IL1R1: variants seen among roughly 807,000 people sequenced by gnomAD.
IL1R1 encodes the protein interleukin 1 receptor type 1.
A neutral mutation model predicts 50.2 loss-of-function variants in IL1R1; 22 were observed. That is an observed-to-expected ratio of 0.44 (90% confidence interval 0.31 to 0.63). The LOEUF is 0.63. IL1R1 is among the 20% of genes least tolerant of loss of function. The pLI is 0.07. For missense variants in IL1R1, 509 were observed against 676.2 expected, an observed-to-expected ratio of 0.75 and a Z score of 2.74; for synonymous variants, 251 against 236.7, an observed-to-expected ratio of 1.06 and a Z score of -0.55.
chr2:102,177,910 C>T lies in IL1R1; in HGVS notation c.*1151C>T, dbSNP rs1686276454. The T allele has an allele frequency of 6.5e-6, 1 of 152,960 alleles. No individual in the cohort carries two copies. Among genetic ancestry groups the T allele is most frequent in the Non-Finnish European group, 1.5e-5 (1 of 68,534 alleles). The allele number at this position is 152,960 out of a possible 1,614,324, so 9.5% of individuals were successfully genotyped here. A position where few individuals can be genotyped will look rare whatever the true frequency, so the allele number is the denominator to read the frequency against. On this transcript the variant is annotated 3_prime_UTR_variant, in exon 12 of 12. Transcript: ENST00000410023. Reference sequence around the variant, plus strand: ...CATCCCGCTCCTGCTGAAACACCTCCCAGGGGCTCCACCTGTTCAGGAGCT... The same window carrying T: ...CATCCCGCTCCTGCTGAAACACCTCTCAGGGGCTCCACCTGTTCAGGAGCT...
In IL1R1 at chr2:102,166,300, C is replaced by T. The variant is rs1685176951; in HGVS notation, c.655+19C>T. The T allele has an allele frequency of 6.3e-7, 1 of 1,585,554 alleles. No individual in the cohort carries two copies. The highest frequency in any genetic ancestry group is 8.6e-7 in the Non-Finnish European group (1 of 1,160,018). On this transcript the variant is annotated intron_variant, in intron 6 of 11. Transcript: ENST00000410023. ...ACTCTAGGTGAGTCATAGCTCCAGC[C>T]CTAAAAGGTTTAGATCTGGGAAGGT...
rs1165834922 is a variant in IL1R1 at position 102,165,028 on chromosome 2, G to A, written c.296+20G>A. 6.3e-7 allele frequency: 1 copy of A among 1,595,800 alleles called. No individual in the cohort carries two copies. The highest frequency in any genetic ancestry group is 1.1e-5 in the South Asian group (1 of 89,444). ...GGTAAGGTAAGAGAGGAATTAGTAT[G>A]TTACAAACATGTTCTAGTTTCCTGC... is the stretch of plus-strand genomic sequence containing the variant. On this transcript the variant is annotated intron_variant, in intron 4 of 11. Coordinates refer to ENST00000410023, the MANE Select transcript of IL1R1 (RefSeq NM_000877.4).
chr2:102,136,329 C>A (rs967304128), intron 1 of IL1R1, among the ~76,000 whole-genome samples: 3 of 150,892 alleles, frequency 2.0e-5, no homozygotes, highest in Non-Finnish European at 4.4e-5. Flanking sequence ...AGGCAGAGAA[C>A]TTTCCTAGCT....
At chr2:102,144,152 T>C (rs1682916691) in intron 1 of IL1R1, among the ~76,000 whole-genome samples, 1 of 152,266 alleles carries the variant, frequency 6.6e-6, no homozygotes, top group Non-Finnish European at 1.5e-5. Context: ...TATTGTGTGA[T>C]ATCTCATTTG....
chr2:102,082,160 ACTAT>A (rs1679239318), intron 1 of IL1R1, among the ~76,000 whole-genome samples: 1 of 152,086 alleles, frequency 6.6e-6, no homozygotes, highest in East Asian at 1.9e-4. Context: ...TGGCTTTATA[ACTAT>A]CTTTGTCTCT....
At chr2:102,127,683 G>A (rs947431138) in intron 1 of IL1R1, among the ~76,000 whole-genome samples, 10 of 151,132 alleles carry the variant, frequency 6.6e-5, no homozygotes. Context: ...GTGTGTGTGT[G>A]TGTGTGTGTG....
At chr2:102,148,185 A>G (rs1202737205) in intron 1 of IL1R1, among the ~76,000 whole-genome samples, 1 of 152,174 alleles carries the variant, frequency 6.6e-6, no homozygotes, top group East Asian at 1.9e-4. Flanking sequence ...CACGAGATGG[A>G]AACCATTGTG....
intron 1 of IL1R1, among the ~76,000 whole-genome samples, chr2:102,098,034 A>G (rs1170832473): frequency 6.6e-6 from 1 of 152,128 alleles, no homozygotes; most frequent in Non-Finnish European, 1.5e-5. Flanking sequence ...TTATCAGTGT[A>G]TAACCCGTGG....
intron 3 of IL1R1, among the ~76,000 whole-genome samples, chr2:102,160,193 T>C (rs1684589182): frequency 6.6e-6 from 1 of 152,182 alleles, no homozygotes; most frequent in Non-Finnish European, 1.5e-5. Flanking sequence ...TTATTAAATT[T>C]ATTGGCATAA....
chr2:102,117,934 A>C (rs1273362218), intron 1 of IL1R1, among the ~76,000 whole-genome samples: 1 of 150,734 alleles, frequency 6.6e-6, no homozygotes, highest in Non-Finnish European at 1.5e-5. Flanking sequence ...AAAATATATA[A>C]TTTTTCTAAA....
chr2:102,126,679 T>A (rs1367626370), intron 1 of IL1R1, among the ~76,000 whole-genome samples: 1 of 152,084 alleles, frequency 6.6e-6, no homozygotes, highest in Non-Finnish European at 1.5e-5. Context: ...AACTTCTGCC[T>A]GGTAGATGCA....
chr2:102,095,522 C>T (rs982286001), intron 1 of IL1R1, among the ~76,000 whole-genome samples: 2 of 152,096 alleles, frequency 1.3e-5, no homozygotes, highest in Non-Finnish European at 2.9e-5. Flanking sequence ...AGGTTGAAAA[C>T]AACATGCACC....
rs369369768 is a variant in IL1R1, at chr2:102,131,075, G to A, written c.-83-22866G>A. Among the ~76,000 whole-genome samples the A allele has an allele frequency of 5.3e-5, 8 of 152,262 alleles. No homozygotes were observed. In the South Asian group the frequency reaches 1.4e-3, roughly 28 times the overall value. ...CCTCCCTAAAAGATTAGATGAAATA[G>A]TGGACAGGAGGAGGAATAATTCCTA... On this transcript the variant is annotated intron_variant, in intron 1 of 10. Coordinates refer to the IL1R1 transcript ENST00000409329.
chr2:102,164,571 G>A (rs1421071197), intron 3 of IL1R1, among the ~76,000 whole-genome samples: 1 of 152,120 alleles, frequency 6.6e-6, no homozygotes, highest in Non-Finnish European at 1.5e-5. Flanking sequence ...CAGGGGTACA[G>A]CACACAGGCA....
Position 102,148,944 on chromosome 2 carries a change from C to G in IL1R1, c.-83-4997C>G, listed in dbSNP as rs534325315. On this transcript the variant is annotated intron_variant, in intron 1 of 11. Transcript: ENST00000410023. ...TGGGTAACAGAGCAAGACTCTGTCT[C>G]AAAACAAACAAACAAACAAACAAAC... 7.1e-4 allele frequency among the ~76,000 whole-genome samples: 87 copies of G among 121,806 alleles called. No individual in the cohort carries two copies. The East Asian group carries it at 0.016, about 22-fold the overall frequency. The allele number at this position is 121,806 out of a possible 152,430, so 79.9% of individuals were successfully genotyped here. A position where few individuals can be genotyped will look rare whatever the true frequency, so the allele number is the denominator to read the frequency against.
At chr2:102,125,258 A>G (rs12619383) in intron 1 of IL1R1, among the ~76,000 whole-genome samples, 23,773 of 152,212 alleles carry the variant, frequency 0.16, 2,027 homozygotes, top group South Asian at 0.2. Flanking sequence ...TCCCTTCATC[A>G]TCTTTGCATC....
At chr2:102,174,757 T>A (rs1337682865) in intron 10 of IL1R1, 27 bp downstream of exon 10, 1 of 1,580,400 alleles carries the variant, frequency 6.3e-7, no homozygotes, top group African/African-American at 1.4e-5. Flanking sequence ...CATGCAGTAT[T>A]TCTTGTTGGA....
At chr2:102,117,980 T>A (rs1021607260) in intron 1 of IL1R1, among the ~76,000 whole-genome samples, 4 of 150,278 alleles carry the variant, frequency 2.7e-5, no homozygotes, top group Non-Finnish European at 5.9e-5. Flanking sequence ...TATACACATA[T>A]AATATATATA....
intron 1 of IL1R1, among the ~76,000 whole-genome samples, chr2:102,089,905 C>T (rs1296929522): frequency 1.3e-5 from 2 of 149,572 alleles, no homozygotes; most frequent in African/African-American, 2.5e-5. Context: ...ACGATCTCGG[C>T]TCACTGCAAG....
Sources: allele counts gnomAD v4.1 joint callset (sites outside exome capture counted in the v4.1 genomes callset), GRCh38; gene constraint gnomAD v4.1.1; transcripts MANE v1.5; gene names NCBI Gene and HGNC (gene_info 2026-07-23, HGNC 2026-07-21).